Variants in EEFSEC observed in about 807,000 individuals in gnomAD.
EEFSEC encodes eukaryotic elongation factor, selenocysteine-tRNA specific.
In EEFSEC, 43 loss-of-function variants were observed where a neutral mutation model predicts 42.1. The observed-to-expected ratio is 1.02, with a 90% CI of 0.80 to 1.32. EEFSEC has a LOEUF of 1.32. EEFSEC is among the 40% of genes most tolerant of loss of function. The probability of loss-of-function intolerance (pLI) is 0.00; values close to 1 mark genes in which losing one functional copy is unlikely to be tolerated. For synonymous variants in EEFSEC, 354 were observed against 339.1 expected (o/e 1.04, Z -0.48); for missense variants, 745 against 803.6 (o/e 0.93, Z 0.88).
In EEFSEC at chr3:128,175,516, A is replaced by G. The variant is rs559030400; in HGVS notation, c.316+21693A>G. Among the ~76,000 whole-genome samples, 3 of 152,290 alleles carry G rather than the reference A, an allele frequency of 2.0e-5. No homozygotes were observed. In the South Asian group the frequency reaches 6.2e-4, roughly 32 times the overall value. ...AAAAATGTAGACCGACCTTCTCGGT[A>G]AAACTGGCCTGGGATCCCAGGCAAC... On this transcript the variant is annotated intron_variant, in intron 1 of 6. Transcript: ENST00000254730.
At chr3:128,189,801 C>G (rs544656000) in intron 1 of EEFSEC, among the ~76,000 whole-genome samples, 2 of 151,902 alleles carry the variant, frequency 1.3e-5, no homozygotes, top group East Asian at 3.9e-4. Flanking sequence ...CTCAAGTGAT[C>G]CACCTGCCAA....
chr3:128,290,116 T>TATGCCTTTTGTGTCCTC (rs2066627379), intron 4 of EEFSEC, among the ~76,000 whole-genome samples: 1 of 152,214 alleles, frequency 6.6e-6, no homozygotes, highest in Admixed American at 6.5e-5. Flanking sequence ...TTTTATGGCT[T>TATGCCTTTTGTGTCCTC]ATGCCTTTTG....
chr3:128,370,987 C>T (rs2067646814), intron 6 of EEFSEC, among the ~76,000 whole-genome samples: 1 of 152,008 alleles, frequency 6.6e-6, no homozygotes, highest in Non-Finnish European at 1.5e-5. Context: ...GAAAGAGTGG[C>T]ATATTCTGGG....
In EEFSEC at chr3:128,317,827, A is replaced by G. The variant is rs1415119246; in HGVS notation, c.787-23406A>G. 6.6e-6 allele frequency among the ~76,000 whole-genome samples: 1 copy of G among 152,182 alleles called. No homozygotes were observed. Among genetic ancestry groups the G allele is most frequent in the African/African-American group, 2.4e-5 (1 of 41,446 alleles). The stretch of plus-strand genomic sequence containing the variant: ...TCTGCTCCAGCTGCTCCGTCCATCC[A>G]CAGGCCTGGCACAGATGTCCCCTCC... On this transcript the variant is annotated intron_variant, in intron 4 of 6. Coordinates refer to ENST00000254730, the MANE Select transcript of EEFSEC (RefSeq NM_021937.5). The surrounding 1 kb of genome is among the most constrained non-coding windows in gnomAD (Gnocchi z 4.1).
chr3:128,397,679 C>G (rs2067997529), intron 6 of EEFSEC, among the ~76,000 whole-genome samples: 1 of 152,282 alleles, frequency 6.6e-6, no homozygotes, highest in South Asian at 2.1e-4. Flanking sequence ...CACAGGCTCA[C>G]CTTCCGGAAA....
intron 1 of EEFSEC, 125 bp downstream of exon 1, chr3:128,153,948 G>A: frequency 7.4e-7 from 1 of 1,343,038 alleles, no homozygotes. Context: ...TGGGGCTCCT[G>A]ACGCCCCAAG....
chr3:128,384,423 C>T (rs1559951411), intron 6 of EEFSEC, among the ~76,000 whole-genome samples: 2 of 152,130 alleles, frequency 1.3e-5, no homozygotes, highest in Non-Finnish European at 2.9e-5. Flanking sequence ...ATGGGGTGTC[C>T]CAGGATGGAG....
intron 6 of EEFSEC, among the ~76,000 whole-genome samples, chr3:128,362,443 T>C (rs909455121): frequency 6.6e-6 from 1 of 152,232 alleles, no homozygotes; most frequent in African/African-American, 2.4e-5. Context: ...CCTGAAGCAA[T>C]GCTCTGTAAA....
chr3:128,208,104 T>G (rs1048185494), intron 1 of EEFSEC, among the ~76,000 whole-genome samples: 2 of 152,184 alleles, frequency 1.3e-5, no homozygotes, highest in Admixed American at 1.3e-4. Flanking sequence ...CTACAGGAAG[T>G]TGGATTTTGG....
chr3:128,269,748 T>A (rs1383784996), intron 4 of EEFSEC, among the ~76,000 whole-genome samples: 1 of 152,130 alleles, frequency 6.6e-6, no homozygotes, highest in East Asian at 1.9e-4. Context: ...GAGAAAAAAA[T>A]TCCATTTAGT....
intron 6 of EEFSEC, among the ~76,000 whole-genome samples, chr3:128,372,712 C>A (rs562918615): frequency 7.9e-4 from 121 of 152,256 alleles, no homozygotes; most frequent in African/African-American, 2.8e-3. Context: ...GTTCCTTCAG[C>A]ACCCCCTGAG....
At chr3:128,327,451 A>G (rs1354323039) in intron 4 of EEFSEC, among the ~76,000 whole-genome samples, 7 of 152,198 alleles carry the variant, frequency 4.6e-5, no homozygotes, top group Non-Finnish European at 4.4e-5. Context: ...TATACTTTAT[A>G]CATCTGTCTC....
At chr3:128,407,155 C>T (rs1290331192) in intron 6 of EEFSEC, among the ~76,000 whole-genome samples, 1 of 151,944 alleles carries the variant, frequency 6.6e-6, no homozygotes, top group Non-Finnish European at 1.5e-5. Context: ...GGAGTGGGTG[C>T]GTGTCGGGGC....
chr3:128,163,067 T>C (rs2065207188), intron 1 of EEFSEC, among the ~76,000 whole-genome samples: 1 of 152,302 alleles, frequency 6.6e-6, no homozygotes, highest in East Asian at 1.9e-4. Flanking sequence ...GTCATTCTTT[T>C]GTTTGATGGA....
At chr3:128,239,549 T>C (rs1448953007) in intron 1 of EEFSEC, among the ~76,000 whole-genome samples, 1 of 152,102 alleles carries the variant, frequency 6.6e-6, no homozygotes, top group Non-Finnish European at 1.5e-5. Context: ...CCTCAGAACT[T>C]GAGGTGGGCT....
intron 1 of EEFSEC, among the ~76,000 whole-genome samples, chr3:128,169,585 A>G (rs1039610366): frequency 3.9e-5 from 6 of 152,034 alleles, no homozygotes; most frequent in Non-Finnish European, 7.4e-5. Context: ...CCTTATTTCC[A>G]TGGTAGAGGG....
rs990693853 is a variant in EEFSEC, at chr3:128,171,108, A to G, written c.316+17285A>G. On this transcript the variant is annotated intron_variant, in intron 1 of 6. Coordinates refer to ENST00000254730, the MANE Select transcript of EEFSEC (RefSeq NM_021937.5). The stretch of plus-strand genomic sequence containing the variant: ...ATCATCTCCATGCCGACTCCGAACT[A>G]TTTGGTGCACAAGAGGGCAGTATTT... Among the ~76,000 whole-genome samples, 68 of 152,294 alleles carry G rather than the reference A, an allele frequency of 4.5e-4. 1 individual carries two copies. Among genetic ancestry groups the G allele is most frequent in the African/African-American group, 1.4e-3 (58 of 41,562 alleles).
chr3:128,403,618 G>T (rs2068073399), intron 6 of EEFSEC, among the ~76,000 whole-genome samples: 1 of 152,238 alleles, frequency 6.6e-6, no homozygotes, highest in Non-Finnish European at 1.5e-5. Flanking sequence ...ATGGTGAGCT[G>T]TGGTCACCCT....
intron 4 of EEFSEC, among the ~76,000 whole-genome samples, chr3:128,275,761 A>G (rs2811527): frequency 0.83 from 127,026 of 152,274 alleles, 53,541 homozygotes; most frequent in East Asian, 0.99. Context: ...AGTGTCTGGC[A>G]TGACTGAGGT....
Sources: allele counts gnomAD v4.1 joint callset (sites outside exome capture counted in the v4.1 genomes callset), GRCh38; gene constraint gnomAD v4.1.1; non-coding constraint Gnocchi (gnomAD v3.1); transcripts MANE v1.5; gene names NCBI Gene and HGNC (gene_info 2026-07-23, HGNC 2026-07-21).